MYRIP: variants seen among roughly 807,000 people sequenced by gnomAD.
MYRIP encodes the protein rab effector MyRIP.
In MYRIP, 49 loss-of-function variants were observed where a neutral mutation model predicts 98.0. The observed-to-expected ratio is 0.50, with a 90% confidence interval of 0.40 to 0.63. The LOEUF (loss-of-function observed/expected upper bound fraction) is 0.63, where lower values mean the gene tolerates loss of function less well. Among genes scored for constraint, MYRIP ranks in the 30% least tolerant of loss-of-function variants. MYRIP has a pLI of 0.00. For synonymous variants in MYRIP, 404 were observed against 409.5 expected (o/e 0.99, Z 0.16); for missense variants, 1,004 against 1,058.2 (o/e 0.95, Z 0.71).
chr3:40,226,798 T>C (rs954834226), intron 11 of MYRIP, among the ~76,000 whole-genome samples: 1 of 152,202 alleles, frequency 6.6e-6, no homozygotes, highest in African/African-American at 2.4e-5. Context: ...AGTGAGTTAC[T>C]GTTAACAGCA....
intron 2 of MYRIP, among the ~76,000 whole-genome samples, chr3:39,933,313 A>G (rs994707623): frequency 2.6e-4 from 39 of 152,250 alleles, no homozygotes; most frequent in African/African-American, 9.2e-4. Flanking sequence ...TAGTTATGAT[A>G]GAGACTGGCC....
intron 11 of MYRIP, among the ~76,000 whole-genome samples, chr3:40,226,452 C>T (rs1379825682): frequency 3.3e-5 from 5 of 152,150 alleles, no homozygotes; most frequent in Admixed American, 3.3e-4. Flanking sequence ...CAGGTCCTTG[C>T]GACCTTTGAT....
At chr3:40,060,737 G>A (rs141342970) in intron 3 of MYRIP, among the ~76,000 whole-genome samples, 84 of 150,282 alleles carry the variant, frequency 5.6e-4, no homozygotes, top group African/African-American at 1.9e-3. Context: ...GATTACAGGC[G>A]CCCACCACTA....
intron 1 of MYRIP, among the ~76,000 whole-genome samples, chr3:39,845,443 G>A (rs1485418540): frequency 6.6e-6 from 1 of 151,976 alleles, no homozygotes; most frequent in Non-Finnish European, 1.5e-5. Context: ...ATTTCTGTCT[G>A]CTTTTCAATT....
rs138022771 is a variant in MYRIP at position 39,829,334 on chromosome 3, A to G, written c.-31+19418A>G. ...TCCTTAGGTTGATGCCTACACATCT[A>G]GTGGAACAGTTGCCTCTTCCAATTC... On this transcript the variant is annotated intron_variant, in intron 1 of 16. Coordinates refer to ENST00000302541, the MANE Select transcript of MYRIP (RefSeq NM_015460.4). Among the ~76,000 whole-genome samples the G allele has an allele frequency of 1.6e-3, 239 of 152,350 alleles. 1 individual carries two copies. Among genetic ancestry groups the G allele is most frequent in the African/African-American group, 5.4e-3 (226 of 41,590 alleles).
At chr3:40,199,657 C>T (rs1951498038) in intron 10 of MYRIP, among the ~76,000 whole-genome samples, 1 of 152,166 alleles carries the variant, frequency 6.6e-6, no homozygotes, top group Non-Finnish European at 1.5e-5. Flanking sequence ...GGAATTATTT[C>T]CCGTACACAG....
At chr3:39,870,988 C>T (rs540700401) in intron 1 of MYRIP, among the ~76,000 whole-genome samples, 1 of 152,158 alleles carries the variant, frequency 6.6e-6, no homozygotes, top group Non-Finnish European at 1.5e-5. Flanking sequence ...TATATACTAG[C>T]TGAGGATATT....
At chr3:40,020,028 C>G (rs549336650) in intron 2 of MYRIP, among the ~76,000 whole-genome samples, 1 of 152,274 alleles carries the variant, frequency 6.6e-6, no homozygotes, top group South Asian at 2.1e-4. Context: ...GATACAAGCA[C>G]TGGATTGTTA....
chr3:39,911,574 T>C (rs917250886), intron 2 of MYRIP, among the ~76,000 whole-genome samples: 2 of 152,226 alleles, frequency 1.3e-5, no homozygotes, highest in Non-Finnish European at 2.9e-5. Context: ...AGCATTTCTT[T>C]GGCATTACAT....
chr3:39,870,290 T>C (rs1942747213), intron 1 of MYRIP, among the ~76,000 whole-genome samples: 1 of 152,232 alleles, frequency 6.6e-6, no homozygotes, highest in Non-Finnish European at 1.5e-5. Context: ...CTGAATAATG[T>C]GCAGGTATGT....
At position 40,182,287 on chromosome 3, in the gene MYRIP, C is replaced by G; in HGVS notation, c.941C>G (p.Ser314Trp). The G allele has an allele frequency of 1.2e-6, 2 of 1,613,978 alleles. No individual in the cohort carries two copies. Among genetic ancestry groups the G allele is most frequent in the Middle Eastern group, 1.7e-4 (1 of 6,060 alleles). Residue 314 changes from serine to tryptophan, a missense_variant, in exon 9 of 17, where the codon TCG becomes TGG. Physicochemically the swap from Ser to Trp is radical, Grantham distance 177. This residue lies in a region of MYRIP where 880 missense variants were observed against 907.7 expected (regional missense o/e 0.97). Transcript: ENST00000302541. ...ALKTPPVEAP[S>W]RQPRDQGQHP... is the part of the protein sequence containing the mutation. ...AAGACCCCTCCAGTGGAGGCTCCAT[C>G]GAGGCAGCCAAGGGACCAAGGCCAA...
chr3:40,040,666 C>G (rs1188349721), intron 2 of MYRIP, among the ~76,000 whole-genome samples: 1 of 68,402 alleles, frequency 1.5e-5, no homozygotes, highest in Non-Finnish European at 2.8e-5. Flanking sequence ...ATGATGAGTT[C>G]ATATCCTTTG....
chr3:39,919,727 T>TGTGTGAGA (rs1553645683), intron 2 of MYRIP, among the ~76,000 whole-genome samples: 65 of 123,490 alleles, frequency 5.3e-4, no homozygotes, highest in Non-Finnish European at 5.5e-4. Context: ...TGTGTGTGTG[T>TGTGTGAGA]GAGAGAGAGA....
intron 1 of MYRIP, among the ~76,000 whole-genome samples, chr3:39,875,002 A>T (rs1375852023): frequency 2.0e-5 from 3 of 152,170 alleles, no homozygotes; most frequent in African/African-American, 7.2e-5. Flanking sequence ...GCTATTGATT[A>T]TTGCCACAAT....
rs769184570 is a variant in MYRIP at position 40,044,286 on chromosome 3, C to T, written c.332+15C>T. The T allele has an allele frequency of 1.2e-6, 2 of 1,611,186 alleles. No homozygotes were observed. On this transcript the variant is annotated intron_variant, in intron 3 of 16. Coordinates refer to ENST00000302541, the MANE Select transcript of MYRIP (RefSeq NM_015460.4). ...CAGCAAGCGAGGTGAGTGGCTGGTG[C>T]ATTCCCAGGGTCTACACTGTTGATT...
chr3:39,907,330 C>T (rs1943903417), intron 2 of MYRIP, among the ~76,000 whole-genome samples: 1 of 152,186 alleles, frequency 6.6e-6, no homozygotes, highest in South Asian at 2.1e-4. Flanking sequence ...ATAAACAGTG[C>T]TCACCAAATA....
chr3:40,010,008 G>C (rs1438788995), intron 2 of MYRIP, among the ~76,000 whole-genome samples: 3 of 152,186 alleles, frequency 2.0e-5, no homozygotes, highest in Non-Finnish European at 4.4e-5. Context: ...GATGAGCCTA[G>C]GGAGAAAATG....
chr3:40,094,223 T>C (rs1321093397), intron 3 of MYRIP, among the ~76,000 whole-genome samples: 2 of 152,224 alleles, frequency 1.3e-5, no homozygotes, highest in Non-Finnish European at 2.9e-5. Flanking sequence ...TTGTGGTACA[T>C]GATAGGTGCT....
At chr3:40,018,597 C>T (rs955480550) in intron 2 of MYRIP, among the ~76,000 whole-genome samples, 1 of 152,142 alleles carries the variant, frequency 6.6e-6, no homozygotes, top group African/African-American at 2.4e-5. Flanking sequence ...TCAAATGTTT[C>T]GTCACCATGT....
Sources: gnomAD v4.1 joint callset for allele counts (sites outside exome capture counted in the v4.1 genomes callset) on GRCh38, gnomAD v4.1.1 for gene constraint, gnomAD v4.1.1 regional missense constraint, MANE v1.5 for transcripts, NCBI Gene and HGNC (gene_info 2026-07-23, HGNC 2026-07-21) for gene names.